The following TIAM1 variants were observed in gnomAD, a reference collection of about 807,000 sequenced individuals.
TIAM1 encodes the protein rho guanine nucleotide exchange factor TIAM1.
In TIAM1, 65 loss-of-function variants were observed where a neutral mutation model predicts 163.5. That is an observed-to-expected ratio of 0.40 (90% CI 0.33 to 0.49). The LOEUF (loss-of-function observed/expected upper bound fraction) is 0.49. Ranked by LOEUF, TIAM1 falls within the 20% of genes least tolerant of loss-of-function variation. The pLI is 0.77. For synonymous variants in TIAM1, 833 were observed against 810.1 expected, an observed-to-expected ratio of 1.03 and a Z score of -0.48; for missense variants, 1,789 against 2,044.7, an observed-to-expected ratio of 0.87 and a Z score of 2.41.
In TIAM1 at chr21:31,435,845, C is replaced by T. The variant is rs142898788; in HGVS notation, c.-369+28138G>A. ...AGTGGGTTCGTTATAAAAACAAGCT[C>T]GGCCCTTTCTTGTTCTCTCTCACTC... is the stretch of plus-strand genomic sequence containing the variant. On this transcript the variant is annotated intron_variant, in intron 2 of 28. Coordinates refer to the TIAM1 transcript ENST00000286827. Among the ~76,000 whole-genome samples the T allele has an allele frequency of 1.4e-3, 212 of 152,272 alleles. 1 individual carries two copies. The highest frequency in any genetic ancestry group is 4.9e-3 in the African/African-American group (205 of 41,554).
At chr21:31,392,485 G>A (rs1480436996) in intron 2 of TIAM1, among the ~76,000 whole-genome samples, 2 of 149,016 alleles carry the variant, frequency 1.3e-5, no homozygotes, top group Non-Finnish European at 3.0e-5. Context: ...CAGGAGAATC[G>A]CTTGAACCCG....
intron 8 of TIAM1, among the ~76,000 whole-genome samples, chr21:31,222,697 ATATATATATATTTTTTTTTTTTTTT>A (rs2087650440): frequency 2.7e-5 from 1 of 36,508 alleles, no homozygotes; most frequent in African/African-American, 1.6e-4. Flanking sequence ...ATATATATAT[ATATATATATATTTTTTTTTTTTTTT>A]TTTTTTTTTT....
chr21:31,510,155 G>T (rs1236218922), intron 1 of TIAM1, among the ~76,000 whole-genome samples: 1 of 152,196 alleles, frequency 6.6e-6, no homozygotes, highest in Non-Finnish European at 1.5e-5. Context: ...TAGGTGGTTT[G>T]AACAACAGCA....
intron 6 of TIAM1, among the ~76,000 whole-genome samples, chr21:31,234,782 CA>C (rs11301196): frequency 1 from 151,607 of 151,634 alleles, 75,790 homozygotes; most frequent in Middle Eastern, 1. Flanking sequence ...ACCCTGTCTC[CA>C]AAAAAAAAGA....
At chr21:31,295,736 C>A (rs2074234935) in intron 2 of TIAM1, among the ~76,000 whole-genome samples, 1 of 152,126 alleles carries the variant, frequency 6.6e-6, no homozygotes, top group South Asian at 2.1e-4. Flanking sequence ...ATGCCCTTAA[C>A]AGGACAAAGG....
At chr21:31,283,035 A>T (rs1601818715) in intron 2 of TIAM1, among the ~76,000 whole-genome samples, 1 of 152,364 alleles carries the variant, frequency 6.6e-6, no homozygotes, top group East Asian at 1.9e-4. Context: ...TACTTAATCA[A>T]CAGGTTCAGC....
Position 31,251,854 on chromosome 21 carries a change from C to G in TIAM1, c.1299G>C (p.Thr433=), listed in dbSNP as rs553606468. 11 of 1,613,752 alleles carry G rather than the reference C, an allele frequency of 6.8e-6. No individual in the cohort carries two copies. The African/African-American group carries it at 1.2e-4, about 18-fold the overall frequency. Residue 433 remains threonine (T), a synonymous_variant, in exon 5 of 28, where the codon ACG becomes ACC. Transcript: ENST00000541036. ...SDILLTAAQG[T]VRKAGALAVK... is the part of the protein sequence containing the mutation. ...CGGCCAGGGCGCCGGCCTTGCGCAC[C>G]GTGCCCTGTGCGGCGGTCAGCAGGA...
intron 15 of TIAM1, 94 bp downstream of exon 15, chr21:31,182,327 G>T: frequency 9.6e-7 from 1 of 1,044,754 alleles, no homozygotes; most frequent in Non-Finnish European, 1.3e-6. Flanking sequence ...GCCAGACAGA[G>T]GCACTCACTG....
At chr21:31,498,937 C>G (rs1161935122) in intron 1 of TIAM1, among the ~76,000 whole-genome samples, 1 of 136,180 alleles carries the variant, frequency 7.3e-6, no homozygotes, top group Admixed American at 8.1e-5. Flanking sequence ...CAGAGCGAGA[C>G]TCCATCAAAA....
chr21:31,144,848 A>AAAAAAAAAAG (rs2083035908), intron 20 of TIAM1, among the ~76,000 whole-genome samples: 1 of 147,810 alleles, frequency 6.8e-6, no homozygotes, highest in Non-Finnish European at 1.5e-5. Flanking sequence ...AAAAAAAAAA[A>AAAAAAAAAAG]AAAAGAAAAG....
At chr21:31,518,925 T>C (rs2047473086) in intron 1 of TIAM1, among the ~76,000 whole-genome samples, 1 of 152,150 alleles carries the variant, frequency 6.6e-6, no homozygotes, top group Non-Finnish European at 1.5e-5. Flanking sequence ...AAAAGACAAA[T>C]GGCTCACGCC....
At chr21:31,421,706 G>C (rs922267493) in intron 2 of TIAM1, among the ~76,000 whole-genome samples, 1 of 152,210 alleles carries the variant, frequency 6.6e-6, no homozygotes, top group African/African-American at 2.4e-5. Flanking sequence ...GAAGGAGCAT[G>C]CCAGCCGGCT....
chr21:31,509,650 A>G (rs906869842), intron 1 of TIAM1, among the ~76,000 whole-genome samples: 1 of 152,160 alleles, frequency 6.6e-6, no homozygotes, highest in Non-Finnish European at 1.5e-5. Context: ...GAGGAGAGAG[A>G]GGCAGGGAGT....
At chr21:31,201,535 T>C (rs2086199624) in intron 12 of TIAM1, among the ~76,000 whole-genome samples, 1 of 152,256 alleles carries the variant, frequency 6.6e-6, no homozygotes, top group African/African-American at 2.4e-5. Context: ...CAAGACTGTA[T>C]ACATTTGTCA....
intron 1 of TIAM1, among the ~76,000 whole-genome samples, chr21:31,492,706 G>A (rs2046508842): frequency 6.6e-6 from 1 of 151,816 alleles, no homozygotes; most frequent in Non-Finnish European, 1.5e-5. Flanking sequence ...CTGAGGCTGT[G>A]TCATGGGCAC....
At position 31,120,435 on chromosome 21, in the gene TIAM1, C is replaced by T. The variant is rs2081954498; in HGVS notation, c.4709G>A (p.Ser1570Asn). ...ACGCCTAACCCAAATGACTTCCTCG[C>T]TTGCGCTCTCCAGGCCTCCATTGAT... ...SGINGGLESA[S>N]EEVIWVRRED... is the part of the protein sequence containing the mutation. The change falls in exon 28 of 28, where the codon AGC becomes AAC. Residue 1570 changes from serine (S) to asparagine (N), a missense_variant. By Grantham distance (46) the Ser-to-Asn change is conservative. This residue lies in a region of TIAM1 where 415 missense variants were observed against 439.2 expected (regional missense o/e 0.94). Coordinates refer to ENST00000541036, the MANE Select transcript of TIAM1 (RefSeq NM_001353694.2). The surrounding 1 kb of genome is among the most constrained non-coding windows in gnomAD (Gnocchi z 4.2). 1 of 1,614,208 alleles carries T rather than the reference C, an allele frequency of 6.2e-7. No individual in the cohort carries two copies. The highest frequency in any genetic ancestry group is 8.5e-7 in the Non-Finnish European group (1 of 1,180,046).
At chr21:31,428,302 C>T (rs2043872579) in intron 2 of TIAM1, among the ~76,000 whole-genome samples, 1 of 152,100 alleles carries the variant, frequency 6.6e-6, no homozygotes, top group African/African-American at 2.4e-5. Context: ...ACTAACTCTG[C>T]ACCAAATAAG....
At chr21:31,553,929 C>T (rs1460508485) in intron 1 of TIAM1, among the ~76,000 whole-genome samples, 1 of 152,122 alleles carries the variant, frequency 6.6e-6, no homozygotes, top group Non-Finnish European at 1.5e-5. Flanking sequence ...TCCCCCTGCC[C>T]CCAGATGACG....
At chr21:31,472,915 A>G (rs925941866) in intron 1 of TIAM1, among the ~76,000 whole-genome samples, 2 of 152,350 alleles carry the variant, frequency 1.3e-5, no homozygotes, top group Middle Eastern at 3.4e-3. Context: ...CCGTCATTAC[A>G]GTAATTGATC....
Sources: gnomAD v4.1 joint callset for allele counts (sites outside exome capture counted in the v4.1 genomes callset) on GRCh38, gnomAD v4.1.1 for gene constraint, gnomAD v4.1.1 regional missense constraint, Gnocchi (gnomAD v3.1) non-coding constraint, MANE v1.5 for transcripts, NCBI Gene and HGNC (gene_info 2026-07-23, HGNC 2026-07-21) for gene names.